CUX2: variants seen among roughly 807,000 people sequenced by gnomAD.
CUX2 encodes homeobox protein cut-like 2.
In CUX2, 40 loss-of-function variants were observed where a neutral mutation model predicts 144.8. That is an observed-to-expected ratio of 0.28 (90% CI 0.21 to 0.36). The LOEUF (loss-of-function observed/expected upper bound fraction) is 0.36. Ranked by LOEUF, CUX2 falls within the 10% of genes least tolerant of loss-of-function variation. The pLI, the probability that CUX2 is intolerant of heterozygous loss-of-function variation, is 1.00. For synonymous variants in CUX2, 827 were observed against 875.6 expected, an observed-to-expected ratio of 0.94 and a Z score of 0.98; for missense variants, 1,615 against 1,994.0, an observed-to-expected ratio of 0.81 and a Z score of 3.62.
chr12:111,233,609 G>A (rs555024967), intron 3 of CUX2, among the ~76,000 whole-genome samples: 2 of 152,208 alleles, frequency 1.3e-5, no homozygotes, highest in South Asian at 4.2e-4. Context: ...GGGGAGCAAG[G>A]GGAGTTCCTA....
Position 111,334,475 on chromosome 12 carries a change from A to ACCCCCCCGCC in CUX2, c.2967_2968insCGCCCCCCCC (p.Ser990ArgfsTer9). 2 of 1,534,330 alleles carry ACCCCCCCGCC rather than the reference A, an allele frequency of 1.3e-6. No individual in the cohort carries two copies. Among genetic ancestry groups the ACCCCCCCGCC allele is most frequent in the Admixed American group, 2.0e-5 (1 of 50,162 alleles). On this transcript the variant is annotated frameshift_variant, in exon 19 of 22. Coordinates refer to ENST00000261726, the MANE Select transcript of CUX2 (RefSeq NM_015267.4). LOFTEE classifies it high-confidence loss of function. Reference sequence around the variant, plus strand: ...CAGAACCAAGGTCCTCACCATCCCCACCCCCCAGCCCCACAGAGCCTGAGA... The same window carrying ACCCCCCCGCC: ...CAGAACCAAGGTCCTCACCATCCCCACCCCCCCGCCCCCCCCAGCCCCACAGAGCCTGAGA...
chr12:111,115,742 C>A (rs926109539), intron 1 of CUX2, among the ~76,000 whole-genome samples: 5 of 152,042 alleles, frequency 3.3e-5, no homozygotes, highest in African/African-American at 1.2e-4. Context: ...CTCTGGTGCC[C>A]CCTCTTTTTC....
chr12:111,164,646 C>T (rs143334585), intron 1 of CUX2, among the ~76,000 whole-genome samples: 6 of 152,066 alleles, frequency 3.9e-5, no homozygotes, highest in Non-Finnish European at 7.4e-5. Flanking sequence ...GAGGGATCCA[C>T]ACAAATTGGA....
intron 3 of CUX2, among the ~76,000 whole-genome samples, chr12:111,247,507 G>A (rs548781921): frequency 8.7e-4 from 133 of 152,338 alleles, no homozygotes; most frequent in Non-Finnish European, 1.5e-3. Context: ...GATCCCTGCA[G>A]CCTTCCCAGA....
chr12:111,297,935 G>A (rs1173716150), intron 8 of CUX2, among the ~76,000 whole-genome samples: 1 of 152,164 alleles, frequency 6.6e-6, no homozygotes, highest in Non-Finnish European at 1.5e-5. Context: ...CTCCCTGGAG[G>A]AGGTGGCTTT....
At chr12:111,180,877 C>G (rs1879123639) in intron 1 of CUX2, among the ~76,000 whole-genome samples, 1 of 152,238 alleles carries the variant, frequency 6.6e-6, no homozygotes, top group Non-Finnish European at 1.5e-5. Flanking sequence ...AAAATAACCT[C>G]CCGGGCTCCT....
At chr12:111,253,114 A>G (rs1883646520) in intron 3 of CUX2, among the ~76,000 whole-genome samples, 1 of 152,010 alleles carries the variant, frequency 6.6e-6, no homozygotes, top group African/African-American at 2.4e-5. Context: ...GGCAGGAGCC[A>G]CTTCCCTGGT....
intron 4 of CUX2, among the ~76,000 whole-genome samples, chr12:111,291,147 G>T (rs900171136): frequency 6.6e-6 from 1 of 152,168 alleles, no homozygotes; most frequent in Non-Finnish European, 1.5e-5. Flanking sequence ...TTACAGGCAT[G>T]AGCCACCGCA....
chr12:111,308,555 G>A (rs1301208599), intron 14 of CUX2, 29 bp downstream of exon 14: 1 of 1,572,036 alleles, frequency 6.4e-7, no homozygotes. Context: ...CTGGGGCTGA[G>A]GGCTGGGGCG....
chr12:111,051,996 C>CA (rs1407689656), intron 1 of CUX2, among the ~76,000 whole-genome samples: 1 of 151,992 alleles, frequency 6.6e-6, no homozygotes, highest in African/African-American at 2.4e-5. Flanking sequence ...GCCTTTCATT[C>CA]TTTTTTAATG....
intron 1 of CUX2, among the ~76,000 whole-genome samples, chr12:111,065,437 G>T (rs1457488200): frequency 6.6e-6 from 1 of 152,220 alleles, no homozygotes; most frequent in East Asian, 1.9e-4. Context: ...CTGAGTTCAA[G>T]CAATTCTCCT....
At chr12:111,062,133 T>TG (rs1331580809) in intron 1 of CUX2, among the ~76,000 whole-genome samples, 10 of 152,232 alleles carry the variant, frequency 6.6e-5, no homozygotes, top group Non-Finnish European at 1.5e-4. Context: ...TAGTGTATAC[T>TG]GGGTGCTCAC....
In CUX2 at chr12:111,293,286, G is replaced by A. The variant is rs529875629; in HGVS notation, c.437-160G>A. 2.0e-5 allele frequency among the ~76,000 whole-genome samples: 3 copies of A among 152,392 alleles called. No homozygotes were observed. The highest frequency in any genetic ancestry group is 4.1e-4 in the South Asian group (2 of 4,832). On this transcript the variant is annotated intron_variant, in intron 5 of 21. Transcript: ENST00000261726. The surrounding 1 kb of genome is among the most constrained non-coding windows in gnomAD (Gnocchi z 4.5). ...CCACAGTGGAAATGACCTGTGTGCT[G>A]AGGACATGCGGCCCGCAGGGCCCCA...
chr12:111,157,408 T>C (rs1244054028), intron 1 of CUX2, among the ~76,000 whole-genome samples: 4 of 151,790 alleles, frequency 2.6e-5, no homozygotes, highest in African/African-American at 9.7e-5. Flanking sequence ...TCTGAATGCA[T>C]TGAGAAGCTA....
intron 1 of CUX2, among the ~76,000 whole-genome samples, chr12:111,164,741 A>G (rs1327471359): frequency 6.6e-6 from 1 of 152,172 alleles, no homozygotes; most frequent in Non-Finnish European, 1.5e-5. Context: ...GAGGAATGTT[A>G]GGGGTCCCAT....
chr12:111,146,748 A>G (rs963172191), intron 1 of CUX2, among the ~76,000 whole-genome samples: 2 of 152,132 alleles, frequency 1.3e-5, no homozygotes, highest in African/African-American at 4.8e-5. Flanking sequence ...GTAGGTTTAA[A>G]TCTCAGCTTC....
At chr12:111,303,163 G>A (rs1476556653) in intron 9 of CUX2, among the ~76,000 whole-genome samples, 1 of 141,100 alleles carries the variant, frequency 7.1e-6, no homozygotes, top group African/African-American at 2.7e-5. Flanking sequence ...GGAGGTTGCT[G>A]TGAGCCCTGA....
intron 1 of CUX2, among the ~76,000 whole-genome samples, chr12:111,134,620 CTGTGTGTGTGTGTG>C (rs750270262): frequency 2.1e-5 from 3 of 142,130 alleles, no homozygotes; most frequent in African/African-American, 8.3e-5. Flanking sequence ...CTCTCTCTCT[CTGTGTGTGTGTGTG>C]TGTGTGTGTG....
chr12:111,171,798 G>A lies in CUX2; in HGVS notation c.64-42402G>A, dbSNP rs1219724037. On this transcript the variant is annotated intron_variant, in intron 1 of 21. Coordinates refer to ENST00000261726, the MANE Select transcript of CUX2 (RefSeq NM_015267.4). The surrounding 1 kb of genome is among the most constrained non-coding windows in gnomAD (Gnocchi z 5.0). Reference sequence around the variant, plus strand: ...TCCCGGGGAAGGAGCCGGAGAGAAGGCAGAGCTTGGGAAATTGGCCCTCTG... The same window carrying A: ...TCCCGGGGAAGGAGCCGGAGAGAAGACAGAGCTTGGGAAATTGGCCCTCTG... 1.3e-5 allele frequency among the ~76,000 whole-genome samples: 2 copies of A among 152,244 alleles called. No homozygotes were observed. Among genetic ancestry groups the A allele is most frequent in the African/African-American group, 2.4e-5 (1 of 41,470 alleles).
Sources: gnomAD v4.1 joint callset for allele counts (sites outside exome capture counted in the v4.1 genomes callset) on GRCh38, gnomAD v4.1.1 for gene constraint, Gnocchi (gnomAD v3.1) non-coding constraint, MANE v1.5 for transcripts, NCBI Gene and HGNC (gene_info 2026-07-23, HGNC 2026-07-21) for gene names.